The following FRAS1 variants were observed in gnomAD, a reference collection of about 807,000 sequenced individuals.
FRAS1 encodes Fraser extracellular matrix complex subunit 1.
FRAS1 carries 290 observed loss-of-function variants against 435.2 expected under a neutral mutation model. That is an observed-to-expected ratio of 0.67 (90% confidence interval 0.61 to 0.73). FRAS1 has a LOEUF of 0.73. FRAS1 is among the 30% of genes least tolerant of loss of function. The pLI is 0.00. For synonymous variants in FRAS1, 1,800 were observed against 1,851.0 expected (o/e 0.97, Z 0.71); for missense variants, 4,860 against 5,001.5 (o/e 0.97, Z 0.85).
At chr4:78,137,226 G>A (rs2109991897) in intron 2 of FRAS1, among the ~76,000 whole-genome samples, 1 of 152,284 alleles carries the variant, frequency 6.6e-6, no homozygotes, top group Non-Finnish European at 1.5e-5. Context: ...CCTTATAAGA[G>A]TCTAATGCCA....
chr4:78,462,402 G>A (rs1168459152), intron 47 of FRAS1, among the ~76,000 whole-genome samples: 3 of 151,786 alleles, frequency 2.0e-5, no homozygotes, highest in African/African-American at 7.3e-5. Context: ...AAAAAGAAAA[G>A]AAAAAGAAAT....
rs779903307 is a variant in FRAS1, at chr4:78,540,716, C to T, written c.11631C>T (p.Val3877=). 6.2e-7 allele frequency: 1 copy of T among 1,613,752 alleles called. No homozygotes were observed. Among genetic ancestry groups the T allele is most frequent in the South Asian group, 1.1e-5 (1 of 91,028 alleles). The change falls in exon 74 of 74, where the codon GTC becomes GTT. Residue 3877 remains valine (V), a synonymous_variant. Transcript: ENST00000512123. The part of the protein sequence containing the change: ...SLIYDNEGDQ[V]KNGTNMKSLN... ...TCTATGACAATGAAGGAGACCAAGTCAAGAATGGCACCAATATGAAGTCCC... is the reference window on the plus strand; with the variant it reads ...TCTATGACAATGAAGGAGACCAAGTTAAGAATGGCACCAATATGAAGTCCC...
rs781463980 is a variant in FRAS1, at chr4:78,475,438, C to G, written c.7683C>G (p.Ser2561Arg). The G allele has an allele frequency of 2.0e-5, 32 of 1,613,888 alleles. No individual in the cohort carries two copies. The highest frequency in any genetic ancestry group is 2.5e-5 in the Non-Finnish European group (30 of 1,179,792). Reference sequence around the variant, plus strand: ...GAGATGCCTTTTTGTGTGCTTCCAGCTACAATGTCAGTGAGAAGGCAGGGT... The same window carrying G: ...GAGATGCCTTTTTGTGTGCTTCCAGGTACAATGTCAGTGAGAAGGCAGGGT... Reference protein sequence around the residue: ...QWSLISFKYTSYNVSEKAGSV... With the variant: ...QWSLISFKYTRYNVSEKAGSV... The change falls in exon 54 of 74, where the codon AGC becomes AGG. Residue 2561 changes from serine to arginine, a missense_variant and splice_region_variant. Coordinates refer to ENST00000512123, the MANE Select transcript of FRAS1 (RefSeq NM_025074.7).
chr4:78,395,965 A>ATT (rs957766225), intron 29 of FRAS1, among the ~76,000 whole-genome samples: 1 of 150,236 alleles, frequency 6.7e-6, no homozygotes, highest in Non-Finnish European at 1.5e-5. Context: ...TGATTTGATG[A>ATT]TTTTTTTTTG....
intron 34 of FRAS1, 33 bp downstream of exon 34, chr4:78,422,033 A>C: frequency 1.3e-6 from 2 of 1,574,744 alleles, no homozygotes; most frequent in African/African-American, 1.4e-5. Flanking sequence ...GAGGCACCCA[A>C]CTGCTCTCTG....
At chr4:78,467,188 A>T (rs1012434508) in intron 50 of FRAS1, among the ~76,000 whole-genome samples, 1 of 152,038 alleles carries the variant, frequency 6.6e-6, no homozygotes, top group African/African-American at 2.4e-5. Context: ...ATTCATTCTA[A>T]CTTTTTTTTC....
chr4:78,208,724 T>C (rs887217665), intron 2 of FRAS1, among the ~76,000 whole-genome samples: 3 of 152,184 alleles, frequency 2.0e-5, no homozygotes, highest in Non-Finnish European at 4.4e-5. Flanking sequence ...TTACTTATAT[T>C]AAACTTTTTC....
intron 59 of FRAS1, among the ~76,000 whole-genome samples, chr4:78,495,116 A>C (rs1175666392): frequency 6.6e-6 from 1 of 152,110 alleles, no homozygotes; most frequent in Non-Finnish European, 1.5e-5. Flanking sequence ...TGGGTTTCCA[A>C]TAAGCATATA....
intron 14 of FRAS1, among the ~76,000 whole-genome samples, chr4:78,305,005 G>C (rs888901167): frequency 1.3e-5 from 2 of 152,122 alleles, no homozygotes; most frequent in Non-Finnish European, 2.9e-5. Context: ...ATTTAGTGCT[G>C]TAAATTTCCC....
At chr4:78,430,107 G>T (rs998485296) in intron 36 of FRAS1, among the ~76,000 whole-genome samples, 185 bp from the exon 37 acceptor site, 1 of 152,198 alleles carries the variant, frequency 6.6e-6, no homozygotes, top group Non-Finnish European at 1.5e-5. Context: ...CCTACTTGCA[G>T]TGTAGGAATT....
At position 78,147,488 on chromosome 4, in the gene FRAS1, T is replaced by A. The variant is rs139158258; in HGVS notation, c.108+81472T>A. Among the ~76,000 whole-genome samples the A allele has an allele frequency of 2.6e-5, 4 of 152,236 alleles. No individual in the cohort carries two copies. The East Asian group carries it at 7.7e-4, about 29-fold the overall frequency. ...AGTTTTCCCATCTATAAAATAGGTATAATTATAGCACTTATCACATATTGG... is the reference window on the plus strand; with the variant it reads ...AGTTTTCCCATCTATAAAATAGGTAAAATTATAGCACTTATCACATATTGG... On this transcript the variant is annotated intron_variant, in intron 2 of 73. Coordinates refer to ENST00000512123, the MANE Select transcript of FRAS1 (RefSeq NM_025074.7).
At position 78,527,077 on chromosome 4, in the gene FRAS1, A is replaced by G. The variant is rs576517883; in HGVS notation, c.10925+420A>G. ...AGAAATGAATCAACAATATGTATTA[A>G]ATAAGGGGTCTTTACACAGAAACAG... On this transcript the variant is annotated intron_variant, in intron 70 of 73. Coordinates refer to ENST00000512123, the MANE Select transcript of FRAS1 (RefSeq NM_025074.7). 2.0e-4 allele frequency among the ~76,000 whole-genome samples: 31 copies of G among 152,298 alleles called. No homozygotes were observed. In the South Asian group the frequency reaches 5.4e-3, roughly 26 times the overall value.
chr4:78,237,367 C>T (rs1724804292), intron 2 of FRAS1, 143 bp from the exon 3 acceptor site: 2 of 562,726 alleles, frequency 3.6e-6, no homozygotes, highest in East Asian at 2.9e-5. Context: ...TTAATCAGTG[C>T]CCAGCAAGTA....
intron 2 of FRAS1, among the ~76,000 whole-genome samples, chr4:78,141,568 G>T: frequency 6.6e-6 from 1 of 152,104 alleles, no homozygotes; most frequent in East Asian, 1.9e-4. Flanking sequence ...GAGAGGAAAG[G>T]TCCAAAAGCA....
chr4:78,428,490 T>C, intron 35 of FRAS1, among the ~76,000 whole-genome samples: 1 of 152,042 alleles, frequency 6.6e-6, no homozygotes, highest in East Asian at 1.9e-4. Flanking sequence ...GCCTGGCTAA[T>C]TTTTTGTATT....
intron 59 of FRAS1, among the ~76,000 whole-genome samples, chr4:78,494,705 A>G (rs1186016230): frequency 6.6e-6 from 1 of 152,144 alleles, no homozygotes; most frequent in African/African-American, 2.4e-5. Flanking sequence ...TGTGTCTGCT[A>G]TATTTTACCT....
chr4:78,438,569 G>A lies in FRAS1; in HGVS notation c.5218-1G>A, dbSNP rs181224126. On this transcript the variant is annotated splice_acceptor_variant, in intron 38 of 73. Transcript: ENST00000512123. LOFTEE classifies it high-confidence loss of function. The stretch of plus-strand genomic sequence containing the variant: ...GTCCTGCCTCATGTTTGCCTCATTA[G>A]GATGATTCTTCCCCCGACCCAGAGA... 6.2e-7 allele frequency: 1 copy of A among 1,613,758 alleles called. No individual in the cohort carries two copies.
chr4:78,334,368 T>TC (rs1560663025), intron 19 of FRAS1, among the ~76,000 whole-genome samples: 2 of 96,568 alleles, frequency 2.1e-5, no homozygotes, highest in African/African-American at 8.1e-5. Flanking sequence ...ATTTTCTTTT[T>TC]TTTTTTTTTT....
intron 2 of FRAS1, among the ~76,000 whole-genome samples, chr4:78,188,751 G>C (rs1265137589): frequency 6.6e-6 from 1 of 152,134 alleles, no homozygotes; most frequent in Non-Finnish European, 1.5e-5. Context: ...ATTTTATATG[G>C]ACTCTGTAAA....
Sources: allele counts gnomAD v4.1 joint callset (sites outside exome capture counted in the v4.1 genomes callset), GRCh38; gene constraint gnomAD v4.1.1; transcripts MANE v1.5; gene names NCBI Gene and HGNC (gene_info 2026-07-23, HGNC 2026-07-21).